CCT8L2: variants seen among roughly 807,000 people sequenced by gnomAD.
CCT8L2 encodes chaperonin containing TCP1 subunit 8 like 2, also known as T-complex protein 1 subunit theta-like 2.
In CCT8L2, 29 loss-of-function variants were observed where a neutral mutation model predicts 31.5. The observed-to-expected ratio is 0.92, with a 90% CI of 0.68 to 1.25. The LOEUF (loss-of-function observed/expected upper bound fraction) is 1.25, where lower values mean the gene tolerates loss of function less well. CCT8L2 is among the 50% of genes most tolerant of loss of function. The probability of loss-of-function intolerance (pLI) is 0.00; values close to 1 mark genes in which losing one functional copy is unlikely to be tolerated. For missense variants in CCT8L2, 589 were observed against 695.7 expected (o/e 0.85, Z 1.73); for synonymous variants, 256 against 290.1 (o/e 0.88, Z 1.19).
Position 16,591,807 on chromosome 22 carries a change from A to G in CCT8L2, c.744T>C (p.Phe248=). The change falls in exon 1 of 1, where the codon TTT becomes TTC. Residue 248 remains phenylalanine, a synonymous_variant. Coordinates refer to ENST00000359963, the MANE Select transcript of CCT8L2 (RefSeq NM_014406.5). Reference sequence around the variant, plus strand: ...CTGGTGCATTTGGATGGGCAGGACCAAAGGGGCAAGCAAAGAGAGCCACCC... The same window carrying G: ...CTGGTGCATTTGGATGGGCAGGACCGAAGGGGCAAGCAAAGAGAGCCACCC... ...GARVALFACP[F]GPAHPNAPAT... is the part of the protein sequence containing the mutation. The G allele has an allele frequency of 6.2e-7, 1 of 1,614,182 alleles. No individual in the cohort carries two copies. Among genetic ancestry groups the G allele is most frequent in the Non-Finnish European group, 8.5e-7 (1 of 1,180,038 alleles).
rs1339839319 is a variant in CCT8L2 at position 16,591,527 on chromosome 22, G to A, written c.1024C>T (p.Gln342Ter). ...TPLLPRLLPP[Q>*]RPGKCQRVYR... ...ACCCTCTGGCACTTGCCTGGCCTCTGGGGAGGGAGCAGACGAGGCAGCAGA... is the reference window on the plus strand; with the variant it reads ...ACCCTCTGGCACTTGCCTGGCCTCTAGGGAGGGAGCAGACGAGGCAGCAGA... The change falls in exon 1 of 1, where the codon CAG (glutamine) becomes TAG (stop). Residue 342 changes from glutamine (Q) to a stop codon, truncating the protein, a stop_gained. Transcript: ENST00000359963. LOFTEE classifies it high-confidence loss of function. 6.2e-7 allele frequency: 1 copy of A among 1,614,070 alleles called. No homozygotes were observed. Among genetic ancestry groups the A allele is most frequent in the Non-Finnish European group, 8.5e-7 (1 of 1,180,046 alleles).
At position 16,591,744 on chromosome 22, in the gene CCT8L2, T is replaced by C. The variant is rs773226830; in HGVS notation, c.807A>G (p.Gln269=). The part of the protein sequence containing the change: ...ARLSSPADLA[Q]FSKGSDQLLE... ...GTAATTGATCGCTTCCTTTACTAAA[T>C]TGAGCTAGATCAGCAGGACTAGAAA... Residue 269 remains glutamine (Q), a synonymous_variant, in exon 1 of 1, where the codon CAA becomes CAG. Transcript: ENST00000359963. 15 of 1,614,072 alleles carry C rather than the reference T, an allele frequency of 9.3e-6. No individual in the cohort carries two copies. The highest frequency in any genetic ancestry group is 7.7e-5 in the South Asian group (7 of 91,084).
Position 16,592,097 on chromosome 22 carries a change from T to A in CCT8L2, c.454A>T (p.Ile152Phe). The stretch of plus-strand genomic sequence containing the variant: ...TCTTCCAAAGGCCCCAGAGATTGGA[T>A]GGCCAGGGAGGGCAGTGTGGCCAGG... ...EVLATLPSLA[I>F]QSLGPLEDPS... The change falls in exon 1 of 1, where the codon ATC becomes TTC. Residue 152 changes from isoleucine (I) to phenylalanine (F), a missense_variant. Ile to Phe is a conservative substitution (Grantham distance 21). Transcript: ENST00000359963. The A allele has an allele frequency of 1.2e-6, 2 of 1,614,188 alleles. No homozygotes were observed. The highest frequency in any genetic ancestry group is 1.7e-6 in the Non-Finnish European group (2 of 1,180,036).
chr22:16,592,335 A>G lies in CCT8L2; in HGVS notation c.216T>C (p.Cys72=), dbSNP rs568838623. Residue 72 remains cysteine (C), a synonymous_variant, in exon 1 of 1, where the codon TGT becomes TGC. Coordinates refer to ENST00000359963, the MANE Select transcript of CCT8L2 (RefSeq NM_014406.5). The part of the protein sequence containing the change: ...TMKGETVCTG[C]ATAILRALEL... ...CCAGGGCCCTGAGGATGGCAGTGGCACACCCCGTGCACACTGTTTCTCCTT... is the reference window on the plus strand; with the variant it reads ...CCAGGGCCCTGAGGATGGCAGTGGCGCACCCCGTGCACACTGTTTCTCCTT... 366 of 1,614,144 alleles carry G rather than the reference A, an allele frequency of 2.3e-4. 4 individuals are homozygous for G. In the South Asian group the frequency reaches 3.9e-3, roughly 17 times the overall value.
rs774980413 is a variant in CCT8L2 at position 16,590,865 on chromosome 22, T to C, written c.*12A>G. 1.3e-6 allele frequency: 2 copies of C among 1,560,408 alleles called. No homozygotes were observed. Among genetic ancestry groups the C allele is most frequent in the East Asian group, 2.2e-5 (1 of 44,484 alleles). On this transcript the variant is annotated 3_prime_UTR_variant, in exon 1 of 1. Coordinates refer to ENST00000359963, the MANE Select transcript of CCT8L2 (RefSeq NM_014406.5). ...TCCCTTCTTGGCAATCCCTGTTTTA[T>C]TGAGGGTATCACTAGTTATTCAATC...
In CCT8L2 at chr22:16,591,095, T is replaced by A; in HGVS notation, c.1456A>T (p.Ile486Leu). The A allele has an allele frequency of 6.2e-7, 1 of 1,614,030 alleles. No individual in the cohort carries two copies. Among genetic ancestry groups the A allele is most frequent in the Non-Finnish European group, 8.5e-7 (1 of 1,179,874 alleles). The change falls in exon 1 of 1, where the codon ATA becomes TTA. Residue 486 changes from isoleucine (I) to leucine (L), a missense_variant. By Grantham distance (5) the Ile-to-Leu change is conservative. Coordinates refer to ENST00000359963, the MANE Select transcript of CCT8L2 (RefSeq NM_014406.5). ...LLMGVGTEGI[I>L]NVAQEGVWDT... ...CACACCCCTTCCTGGGCCACATTTATTATCCCTTCAGTTCCCACACCCATT... is the reference window on the plus strand; with the variant it reads ...CACACCCCTTCCTGGGCCACATTTAATATCCCTTCAGTTCCCACACCCATT...
chr22:16,592,667 C>G lies in CCT8L2; in HGVS notation c.-117G>C. ...TCAAGAGGTCAGTGGAAGCAAGGAG[C>G]CAAATGCCCATTGATTGGTATCTGA... On this transcript the variant is annotated 5_prime_UTR_variant, in exon 1 of 1. Coordinates refer to ENST00000359963, the MANE Select transcript of CCT8L2 (RefSeq NM_014406.5). 1.2e-6 allele frequency: 1 copy of G among 822,020 alleles called. No individual in the cohort carries two copies. 50.9% of individuals were successfully genotyped at this position (822,020 alleles called of 1,614,324 possible).
In CCT8L2 at chr22:16,592,350, T is replaced by A. The variant is rs1175866570; in HGVS notation, c.201A>T (p.Thr67=). 2.5e-6 allele frequency: 4 copies of A among 1,614,068 alleles called. No individual in the cohort carries two copies. The highest frequency in any genetic ancestry group is 2.5e-6 in the Non-Finnish European group (3 of 1,180,038). The change falls in exon 1 of 1, where the codon ACA becomes ACT. Residue 67 remains threonine, a synonymous_variant. Transcript: ENST00000359963. ...QKFLVTMKGE[T]VCTGCATAIL... Reference sequence around the variant, plus strand: ...TGGCAGTGGCACACCCCGTGCACACTGTTTCTCCTTTCATGGTCACCAGGA... The same window carrying A: ...TGGCAGTGGCACACCCCGTGCACACAGTTTCTCCTTTCATGGTCACCAGGA...
chr22:16,591,449 T>C lies in CCT8L2; in HGVS notation c.1102A>G (p.Thr368Ala). 6.2e-7 allele frequency: 1 copy of C among 1,614,098 alleles called. No homozygotes were observed. Among genetic ancestry groups the C allele is most frequent in the Non-Finnish European group, 8.5e-7 (1 of 1,179,976 alleles). ...ACCACAGTGAGGGCAGGTGTGCCTG[T>C]ACATTCCCATTCAAATACCACAGCC... ...GLAVVFEWECTGTPALTVVLR... is the reference protein window; with the variant it reads ...GLAVVFEWECAGTPALTVVLR... Residue 368 changes from threonine to alanine, a missense_variant, in exon 1 of 1, where the codon ACA (threonine) becomes GCA (alanine). Coordinates refer to ENST00000359963, the MANE Select transcript of CCT8L2 (RefSeq NM_014406.5).
rs1320485849 is a variant in CCT8L2 at position 16,592,665 on chromosome 22, A to C, written c.-115T>G. The C allele has an allele frequency of 5.9e-6, 5 of 845,192 alleles. No homozygotes were observed. Among genetic ancestry groups the C allele is most frequent in the East Asian group, 2.7e-5 (1 of 37,506 alleles). The allele number at this position is 845,192 out of a possible 1,614,324, so 52.4% of individuals were successfully genotyped here. On this transcript the variant is annotated 5_prime_UTR_variant, in exon 1 of 1. Transcript: ENST00000359963. Reference sequence around the variant, plus strand: ...ACTCAAGAGGTCAGTGGAAGCAAGGAGCCAAATGCCCATTGATTGGTATCT... The same window carrying C: ...ACTCAAGAGGTCAGTGGAAGCAAGGCGCCAAATGCCCATTGATTGGTATCT...
Position 16,591,805 on chromosome 22 carries a change from C to T in CCT8L2, c.746G>A (p.Gly249Asp). The T allele has an allele frequency of 6.2e-7, 1 of 1,614,152 alleles. No homozygotes were observed. The highest frequency in any genetic ancestry group is 1.6e-4 in the Middle Eastern group (1 of 6,062). ...ARVALFACPFGPAHPNAPATA... is the reference protein window; with the variant it reads ...ARVALFACPFDPAHPNAPATA... Reference sequence around the variant, plus strand: ...TGCTGGTGCATTTGGATGGGCAGGACCAAAGGGGCAAGCAAAGAGAGCCAC... The same window carrying T: ...TGCTGGTGCATTTGGATGGGCAGGATCAAAGGGGCAAGCAAAGAGAGCCAC... The change falls in exon 1 of 1, where the codon GGT becomes GAT. Residue 249 changes from glycine (G) to aspartate (D), a missense_variant. Coordinates refer to ENST00000359963, the MANE Select transcript of CCT8L2 (RefSeq NM_014406.5).
In CCT8L2 at chr22:16,590,897, T is replaced by A. The variant is rs531644766; in HGVS notation, c.1654A>T (p.Ile552Phe). 5.2e-5 allele frequency: 84 copies of A among 1,604,456 alleles called. No individual in the cohort carries two copies. The South Asian group carries it at 8.7e-4, about 17-fold the overall frequency. Residue 552 changes from isoleucine to phenylalanine, a missense_variant, in exon 1 of 1, where the codon ATC (isoleucine) becomes TTC (phenylalanine). Ile to Phe is a conservative substitution (Grantham distance 21). Transcript: ENST00000359963. ...KHPPPVETKK[I>F]LGLNN is the part of the protein sequence containing the mutation. ...TATCACTAGTTATTCAATCCAAGGA[T>A]TTTTTTTGTTTCCACAGGAGGTGGG...
rs748174677 is a variant in CCT8L2 at position 16,591,496 on chromosome 22, C to G, written c.1055G>C (p.Arg352Thr). The part of the protein sequence containing the change: ...QRPGKCQRVY[R>T]QELGDGLAVV... Reference sequence around the variant, plus strand: ...AGCCAAACCATCTCCCAGCTCCTGCCTGTAAACCCTCTGGCACTTGCCTGG... The same window carrying G: ...AGCCAAACCATCTCCCAGCTCCTGCGTGTAAACCCTCTGGCACTTGCCTGG... The change falls in exon 1 of 1, where the codon AGG (arginine) becomes ACG (threonine). Residue 352 changes from arginine (R) to threonine (T), a missense_variant. Arg to Thr is a moderately conservative substitution (Grantham distance 71). Transcript: ENST00000359963. 3.1e-5 allele frequency: 50 copies of G among 1,614,100 alleles called. No homozygotes were observed. The highest frequency in any genetic ancestry group is 1.0e-4 in the Admixed American group (6 of 60,008).
Position 16,591,385 on chromosome 22 carries a change from T to A in CCT8L2, c.1166A>T (p.Glu389Val). The stretch of plus-strand genomic sequence containing the variant: ...ATCAATGCCGTGGTAGACGGCCTGC[T>A]CTGCACTCCGCAGCCCCTGGGTGGT... The part of the protein sequence containing the change: ...GATTQGLRSA[E>V]QAVYHGIDAY... Residue 389 changes from glutamate to valine, a missense_variant, in exon 1 of 1, where the codon GAG becomes GTG. Glu to Val is a moderately radical substitution (Grantham distance 121). Transcript: ENST00000359963. 3.7e-6 allele frequency: 6 copies of A among 1,614,046 alleles called. No individual in the cohort carries two copies. The African/African-American group carries it at 4.0e-5, about 11-fold the overall frequency.
rs768520733 is a variant in CCT8L2 at position 16,591,053 on chromosome 22, T to G, written c.1498A>C (p.Lys500Gln). Residue 500 changes from lysine (K) to glutamine (Q), a missense_variant, in exon 1 of 1, where the codon AAA becomes CAA. Lys to Gln is a moderately conservative substitution (Grantham distance 53). Coordinates refer to ENST00000359963, the MANE Select transcript of CCT8L2 (RefSeq NM_014406.5). ...QEGVWDTLIV[K>Q]AQGFRAVAEV... ...GCCACTGCTCGAAATCCTTGGGCTT[T>G]GACTATTAGGGTGTCCCACACCCCT... The G allele has an allele frequency of 6.2e-7, 1 of 1,614,000 alleles. No individual in the cohort carries two copies. The highest frequency in any genetic ancestry group is 1.3e-5 in the African/African-American group (1 of 75,062).
In CCT8L2 at chr22:16,591,358, G is replaced by T. The variant is rs1343580986; in HGVS notation, c.1193C>A (p.Ala398Asp). Residue 398 changes from alanine (A) to aspartate (D), a missense_variant, in exon 1 of 1, where the codon GCC (alanine) becomes GAC (aspartate). Physicochemically the swap from Ala to Asp is moderately radical, Grantham distance 126 (BLOSUM62 -2). Transcript: ENST00000359963. ...AEQAVYHGIDAYFQLCQDPRL... is the reference protein window; with the variant it reads ...AEQAVYHGIDDYFQLCQDPRL... ...GGGATCTTGACATAGCTGGAAATAGGCATCAATGCCGTGGTAGACGGCCTG... is the reference window on the plus strand; with the variant it reads ...GGGATCTTGACATAGCTGGAAATAGTCATCAATGCCGTGGTAGACGGCCTG... 1 of 1,614,066 alleles carries T rather than the reference G, an allele frequency of 6.2e-7. No homozygotes were observed. The highest frequency in any genetic ancestry group is 2.2e-5 in the East Asian group (1 of 44,884).
At position 16,591,378 on chromosome 22, in the gene CCT8L2, G is replaced by C. The variant is rs761883931; in HGVS notation, c.1173C>G (p.Ala391=). 2 of 1,613,996 alleles carry C rather than the reference G, an allele frequency of 1.2e-6. No individual in the cohort carries two copies. ...TTQGLRSAEQ[A]VYHGIDAYFQ... is the part of the protein sequence containing the mutation. ...AATAGGCATCAATGCCGTGGTAGACGGCCTGCTCTGCACTCCGCAGCCCCT... is the reference window on the plus strand; with the variant it reads ...AATAGGCATCAATGCCGTGGTAGACCGCCTGCTCTGCACTCCGCAGCCCCT... The change falls in exon 1 of 1, where the codon GCC becomes GCG. Residue 391 remains alanine (A), a synonymous_variant. Transcript: ENST00000359963.
Position 16,591,989 on chromosome 22 carries a change from A to G in CCT8L2, c.562T>C (p.Cys188Arg). 6.2e-7 allele frequency: 1 copy of G among 1,614,080 alleles called. No individual in the cohort carries two copies. Among genetic ancestry groups the G allele is most frequent in the East Asian group, 2.2e-5 (1 of 44,890 alleles). ...CCGTCTAGTTCCTTGATAGCCCAGC[A>G]GGCGTGGGCCACCAGCTTGGTCAAG... ...DHLTKLVAHA[C>R]WAIKELDGSF... is the part of the protein sequence containing the mutation. The change falls in exon 1 of 1, where the codon TGC (cysteine) becomes CGC (arginine). Residue 188 changes from cysteine to arginine, a missense_variant. By Grantham distance (180) the Cys-to-Arg change is radical (BLOSUM62 -3). Coordinates refer to ENST00000359963, the MANE Select transcript of CCT8L2 (RefSeq NM_014406.5).
Position 16,591,946 on chromosome 22 carries a change from C to G in CCT8L2, c.605G>C (p.Arg202Pro), listed in dbSNP as rs755225178. 1 of 1,614,116 alleles carries G rather than the reference C, an allele frequency of 6.2e-7. No individual in the cohort carries two copies. Among genetic ancestry groups the G allele is most frequent in the Non-Finnish European group, 8.5e-7 (1 of 1,179,986 alleles). Reference sequence around the variant, plus strand: ...CCCGGGCAGCGCGCACACCCCAACACGCTCAGGCTTGAAGCTGCCGTCTAG... The same window carrying G: ...CCCGGGCAGCGCGCACACCCCAACAGGCTCAGGCTTGAAGCTGCCGTCTAG... ...KELDGSFKPE[R>P]VGVCALPGGT... Residue 202 changes from arginine (R) to proline (P), a missense_variant, in exon 1 of 1, where the codon CGT becomes CCT. By Grantham distance (103) the Arg-to-Pro change is moderately radical. Transcript: ENST00000359963.
Sources: gnomAD v4.1 joint callset for allele counts on GRCh38, gnomAD v4.1.1 for gene constraint, MANE v1.5 for transcripts, NCBI Gene and HGNC (gene_info 2026-07-23, HGNC 2026-07-21) for gene names.